ADAMTS12: variants seen among roughly 807,000 people sequenced by gnomAD.
ADAMTS12 encodes the protein A disintegrin and metalloproteinase with thrombospondin motifs 12.
A neutral mutation model predicts 167.8 loss-of-function variants in ADAMTS12; 118 were observed. The ratio of observed to expected loss-of-function variants is 0.70; its 90% confidence interval spans 0.61 to 0.82. The LOEUF is 0.82. ADAMTS12 is among the 40% of genes least tolerant of loss of function. ADAMTS12 has a pLI of 0.00. For synonymous variants in ADAMTS12, 704 were observed against 716.9 expected (o/e 0.98, Z 0.29); for missense variants, 1,916 against 1,998.8 (o/e 0.96, Z 0.79).
intron 2 of ADAMTS12, among the ~76,000 whole-genome samples, chr5:33,781,922 A>G (rs938957075): frequency 2.0e-5 from 3 of 149,326 alleles, no homozygotes; most frequent in African/African-American, 7.5e-5. Context: ...ATTCCCACCT[A>G]TGAGTGAGAA....
intron 2 of ADAMTS12, among the ~76,000 whole-genome samples, chr5:33,811,684 T>C (rs1191012570): frequency 1.3e-5 from 2 of 152,198 alleles, no homozygotes; most frequent in African/African-American, 4.8e-5. Flanking sequence ...CTGAGTGAGA[T>C]GGATGCCACT....
chr5:33,705,488 T>C (rs1446001361), intron 3 of ADAMTS12, among the ~76,000 whole-genome samples: 1 of 152,164 alleles, frequency 6.6e-6, no homozygotes, highest in Non-Finnish European at 1.5e-5. Context: ...TGTGAACATA[T>C]AAAAATCAGT....
chr5:33,808,304 T>C (rs905146153), intron 2 of ADAMTS12, among the ~76,000 whole-genome samples: 2 of 152,182 alleles, frequency 1.3e-5, no homozygotes, highest in Non-Finnish European at 2.9e-5. Context: ...GTTCTCAAAC[T>C]TGGCTCAGCC....
intron 3 of ADAMTS12, among the ~76,000 whole-genome samples, chr5:33,713,609 T>C (rs1243264041): frequency 6.6e-6 from 1 of 151,960 alleles, no homozygotes; most frequent in African/African-American, 2.4e-5. Context: ...AAAGACAGGA[T>C]GGCCAGATGA....
intron 22 of ADAMTS12, among the ~76,000 whole-genome samples, chr5:33,544,505 A>T (rs1214667270): frequency 1.3e-5 from 2 of 152,226 alleles, no homozygotes; most frequent in Admixed American, 6.5e-5. Flanking sequence ...GAATTGGAAA[A>T]AACTACTTTA....
At chr5:33,655,852 C>G (rs1312940555) in intron 7 of ADAMTS12, among the ~76,000 whole-genome samples, 3 of 151,926 alleles carry the variant, frequency 2.0e-5, no homozygotes, top group Non-Finnish European at 4.4e-5. Context: ...GTTCCCCTCC[C>G]TGTGTTCATG....
intron 2 of ADAMTS12, among the ~76,000 whole-genome samples, chr5:33,864,128 T>G (rs529926462): frequency 6.6e-6 from 1 of 151,880 alleles, no homozygotes; most frequent in South Asian, 2.1e-4. Context: ...GTAATACCAC[T>G]CAGGACAAAT....
chr5:33,784,993 A>G (rs1275639657), intron 2 of ADAMTS12, among the ~76,000 whole-genome samples: 1 of 152,108 alleles, frequency 6.6e-6, no homozygotes, highest in African/African-American at 2.4e-5. Context: ...TCGATGGAAG[A>G]AAATAGTGAG....
At position 33,524,841 on chromosome 5, in the gene ADAMTS12, G is replaced by C. The variant is rs1743740567; in HGVS notation, c.*2347C>G. ...AATTAGGAGCCAATGTTCTGCCTTT[G>C]AGAAACTGGAAAAAGACCTAGAATG... is the stretch of plus-strand genomic sequence containing the variant. On this transcript the variant is annotated 3_prime_UTR_variant, in exon 24 of 24. Transcript: ENST00000504830. 1 of 152,216 alleles carries C rather than the reference G, an allele frequency of 6.6e-6. No homozygotes were observed. The highest frequency in any genetic ancestry group is 2.1e-4 in the South Asian group (1 of 4,826). 9.4% of individuals were successfully genotyped at this position (152,216 alleles called of 1,614,324 possible).
chr5:33,790,327 G>A (rs1032061525), intron 2 of ADAMTS12, among the ~76,000 whole-genome samples: 5 of 152,158 alleles, frequency 3.3e-5, no homozygotes, highest in Non-Finnish European at 7.3e-5. Flanking sequence ...GGCCAAGGTG[G>A]ATGGAACACA....
intron 22 of ADAMTS12, among the ~76,000 whole-genome samples, chr5:33,544,417 G>A (rs1475163344): frequency 1.3e-5 from 2 of 152,148 alleles, no homozygotes; most frequent in African/African-American, 4.8e-5. Context: ...AATCAATATT[G>A]TGAAAATGGC....
At chr5:33,808,746 GA>G (rs1028467442) in intron 2 of ADAMTS12, among the ~76,000 whole-genome samples, 3 of 152,182 alleles carry the variant, frequency 2.0e-5, no homozygotes, top group Admixed American at 1.3e-4. Flanking sequence ...AAAAAGCTTG[GA>G]AACCACTGAT....
At chr5:33,556,937 C>T (rs763590088) in intron 20 of ADAMTS12, among the ~76,000 whole-genome samples, 31 of 152,188 alleles carry the variant, frequency 2.0e-4, no homozygotes, top group Non-Finnish European at 3.2e-4. Context: ...CTGTGGCCCC[C>T]GAGTGTTCTT....
chr5:33,658,034 T>C (rs1045599989), intron 7 of ADAMTS12, 150 bp downstream of exon 7: 75 of 985,670 alleles, frequency 7.6e-5, no homozygotes, highest in Non-Finnish European at 1.1e-4. Context: ...ACTTTACAGA[T>C]GAAAGCAGAG....
At chr5:33,727,927 C>T (rs905672168) in intron 3 of ADAMTS12, among the ~76,000 whole-genome samples, 1 of 152,220 alleles carries the variant, frequency 6.6e-6, no homozygotes, top group African/African-American at 2.4e-5. Context: ...GAGCATGGCA[C>T]CTGTCACATT....
Position 33,770,113 on chromosome 5 carries a change from A to G in ADAMTS12, c.490-18565T>C, listed in dbSNP as rs1745684289. ...CAAAGTCTCACCATCCATGGACAGC[A>G]TGAGCTCATGGTTTTAAACATGTCT... is the stretch of plus-strand genomic sequence containing the variant. On this transcript the variant is annotated intron_variant, in intron 2 of 23. Coordinates refer to ENST00000504830, the MANE Select transcript of ADAMTS12 (RefSeq NM_030955.4). Among the ~76,000 whole-genome samples the G allele has an allele frequency of 2.6e-5, 4 of 152,278 alleles. No individual in the cohort carries two copies. The South Asian group carries it at 8.3e-4, about 32-fold the overall frequency.
chr5:33,642,411 C>T (rs978889423), intron 10 of ADAMTS12, among the ~76,000 whole-genome samples: 1 of 152,156 alleles, frequency 6.6e-6, no homozygotes, highest in African/African-American at 2.4e-5. Context: ...TTATAGCTCT[C>T]TGGGAACTTA....
intron 3 of ADAMTS12, among the ~76,000 whole-genome samples, chr5:33,719,981 T>C (rs1370502897): frequency 6.6e-6 from 1 of 152,202 alleles, no homozygotes; most frequent in Non-Finnish European, 1.5e-5. Flanking sequence ...CTAAATGTTA[T>C]TTGTTGGCTG....
intron 2 of ADAMTS12, among the ~76,000 whole-genome samples, chr5:33,788,803 G>T (rs189673182): frequency 6.6e-6 from 1 of 152,152 alleles, no homozygotes; most frequent in Non-Finnish European, 1.5e-5. Context: ...AAGCACATGC[G>T]CACACATTCA....
Sources: allele counts gnomAD v4.1 joint callset (sites outside exome capture counted in the v4.1 genomes callset), GRCh38; gene constraint gnomAD v4.1.1; transcripts MANE v1.5; gene names NCBI Gene and HGNC (gene_info 2026-07-23, HGNC 2026-07-21).